Variants in FANCC observed in about 807,000 individuals in gnomAD.
The protein encoded by FANCC is FA complementation group C, also known as Fanconi anemia group C protein.
A neutral mutation model predicts 71.3 loss-of-function variants in FANCC; 55 were observed. The observed-to-expected ratio is 0.77, with a 90% CI of 0.62 to 0.97. The LOEUF is 0.97. FANCC is among the 50% of genes least tolerant of loss of function. FANCC has a pLI of 0.00. For synonymous variants in FANCC, 275 were observed against 244.9 expected, an observed-to-expected ratio of 1.12 and a Z score of -1.15; for missense variants, 678 against 670.9, an observed-to-expected ratio of 1.01 and a Z score of -0.12.
intron 1 of FANCC, among the ~76,000 whole-genome samples, chr9:95,272,708 C>A (rs965150549): frequency 6.6e-6 from 1 of 152,172 alleles, no homozygotes; most frequent in East Asian, 1.9e-4. Context: ...AAAAACAAAA[C>A]CAAAACAACA....
At chr9:95,308,719 T>C (rs915979963) in intron 1 of FANCC, among the ~76,000 whole-genome samples, 1 of 152,206 alleles carries the variant, frequency 6.6e-6, no homozygotes, top group Non-Finnish European at 1.5e-5. Context: ...CAGTACAATT[T>C]TAGGCAAACA....
chr9:95,146,480 C>G (rs888130752), intron 7 of FANCC, among the ~76,000 whole-genome samples: 2 of 58,188 alleles, frequency 3.4e-5, no homozygotes, highest in African/African-American at 1.6e-4. Flanking sequence ...AGAGTGAGAC[C>G]CCATCTCAAA....
chr9:95,146,487 C>CA (rs61093923), intron 7 of FANCC, among the ~76,000 whole-genome samples: 967 of 45,500 alleles, frequency 0.021, 119 homozygotes, highest in African/African-American at 0.079. Flanking sequence ...GACCCCATCT[C>CA]AAAAAAAAAA....
chr9:95,123,848 C>A, intron 10 of FANCC: 2 of 629,912 alleles, frequency 3.2e-6, no homozygotes, highest in South Asian at 1.4e-5. Context: ...TGCCCCACAA[C>A]CCCCACCAAA....
intron 14 of FANCC, among the ~76,000 whole-genome samples, chr9:95,104,635 G>C (rs1023429859): frequency 2.0e-5 from 3 of 152,170 alleles, no homozygotes; most frequent in African/African-American, 7.2e-5. Flanking sequence ...CGAGTAGATG[G>C]AAACATGGCA....
chr9:95,178,527 C>T (rs1366421714), intron 4 of FANCC, among the ~76,000 whole-genome samples: 1 of 152,240 alleles, frequency 6.6e-6, no homozygotes, highest in Non-Finnish European at 1.5e-5. Flanking sequence ...GAGGGGAGCG[C>T]CCTGGAATGA....
intron 4 of FANCC, among the ~76,000 whole-genome samples, chr9:95,208,257 C>T (rs185409071): frequency 1.3e-5 from 2 of 151,950 alleles, no homozygotes; most frequent in African/African-American, 4.8e-5. Flanking sequence ...ACCACCACAC[C>T]TGGCTAATTT....
chr9:95,248,791 T>C (rs1283330880), intron 2 of FANCC, among the ~76,000 whole-genome samples: 1 of 152,108 alleles, frequency 6.6e-6, no homozygotes, highest in East Asian at 1.9e-4. Flanking sequence ...TGAAGAAGGG[T>C]TAAGCATGTA....
chr9:95,150,905 C>T (rs1830134474), intron 6 of FANCC, among the ~76,000 whole-genome samples: 1 of 152,188 alleles, frequency 6.6e-6, no homozygotes, highest in South Asian at 2.1e-4. Context: ...CTCTGATCAT[C>T]CCATGTCACT....
At chr9:95,311,598 G>C (rs1251713888) in intron 1 of FANCC, among the ~76,000 whole-genome samples, 1 of 151,978 alleles carries the variant, frequency 6.6e-6, no homozygotes, top group African/African-American at 2.4e-5. Flanking sequence ...ATTTTGCCCA[G>C]GAGACTTGAA....
chr9:95,166,787 A>G (rs1350080121), intron 6 of FANCC, among the ~76,000 whole-genome samples: 1 of 152,138 alleles, frequency 6.6e-6, no homozygotes, highest in Non-Finnish European at 1.5e-5. Context: ...AGATTTTGGT[A>G]TGTGTGGGAA....
chr9:95,141,480 G>C (rs907394689), intron 7 of FANCC, among the ~76,000 whole-genome samples: 2 of 151,988 alleles, frequency 1.3e-5, no homozygotes, highest in Admixed American at 1.3e-4. Flanking sequence ...TCACCTATAT[G>C]ATTTGACAAC....
At chr9:95,290,119 A>T (rs1256460355) in intron 1 of FANCC, among the ~76,000 whole-genome samples, 1 of 152,192 alleles carries the variant, frequency 6.6e-6, no homozygotes, top group Non-Finnish European at 1.5e-5. Context: ...GTAGGCACAC[A>T]TGTCACTGGG....
intron 1 of FANCC, chr9:95,292,897 G>A (rs1002513570): frequency 8.2e-6 from 13 of 1,584,572 alleles, no homozygotes; most frequent in South Asian, 1.1e-5. Context: ...GAGGACTGTG[G>A]CAAGACCTTC....
At chr9:95,251,110 C>A (rs955358545) in intron 1 of FANCC, among the ~76,000 whole-genome samples, 10 of 152,236 alleles carry the variant, frequency 6.6e-5, no homozygotes, top group African/African-American at 2.4e-4. Flanking sequence ...GTTAATTATC[C>A]TGGGCTTTAT....
At chr9:95,167,634 T>C (rs1336309383) in intron 6 of FANCC, among the ~76,000 whole-genome samples, 1 of 152,226 alleles carries the variant, frequency 6.6e-6, no homozygotes, top group Non-Finnish European at 1.5e-5. Flanking sequence ...TGTGGTTCTT[T>C]AGCTCCAGAA....
intron 10 of FANCC, among the ~76,000 whole-genome samples, chr9:95,122,683 G>A (rs1468879683): frequency 6.6e-6 from 1 of 152,222 alleles, no homozygotes; most frequent in Admixed American, 6.5e-5. Context: ...CATAGAGGCT[G>A]AGGGTGAAGC....
chr9:95,133,800 GTTAGTAATAGAT>G (rs1269153894), intron 8 of FANCC, among the ~76,000 whole-genome samples: 1 of 152,200 alleles, frequency 6.6e-6, no homozygotes, highest in Non-Finnish European at 1.5e-5. Flanking sequence ...GCACATGTAA[GTTAGTAATAGAT>G]TTAGCAGACA....
chr9:95,171,406 A>C (rs1254295482), intron 5 of FANCC, among the ~76,000 whole-genome samples: 1 of 152,170 alleles, frequency 6.6e-6, no homozygotes, highest in East Asian at 1.9e-4. Context: ...ATTAAAACCA[A>C]ATCCATTTAA....
Sources: gnomAD v4.1 joint callset for allele counts (sites outside exome capture counted in the v4.1 genomes callset) on GRCh38, gnomAD v4.1.1 for gene constraint, MANE v1.5 for transcripts, NCBI Gene and HGNC (gene_info 2026-07-23, HGNC 2026-07-21) for gene names.